ALDOB: variants seen among roughly 807,000 people sequenced by gnomAD.
ALDOB encodes aldolase, fructose-bisphosphate B, also known as fructose-bisphosphate aldolase B.
In ALDOB, 39 loss-of-function variants were observed where a neutral mutation model predicts 41.0. That is an observed-to-expected ratio of 0.95 (90% CI 0.74 to 1.24). The LOEUF (loss-of-function observed/expected upper bound fraction) is 1.24. ALDOB is among the 50% of genes most tolerant of loss of function. ALDOB has a pLI of 0.00. For synonymous variants in ALDOB, 175 were observed against 168.8 expected, an observed-to-expected ratio of 1.04 and a Z score of -0.28; for missense variants, 530 against 457.3, an observed-to-expected ratio of 1.16 and a Z score of -1.45.
intron 7 of ALDOB, among the ~76,000 whole-genome samples, 192 bp downstream of exon 7, chr9:101,425,261 A>G (rs183338806): frequency 9.6e-4 from 146 of 152,194 alleles, no homozygotes; most frequent in Non-Finnish European, 1.7e-3. Flanking sequence ...TTGAAGAAAT[A>G]CATGGATTGT....
chr9:101,421,394 T>G lies in ALDOB; in HGVS notation c.*415A>C. 3.3e-6 allele frequency: 1 copy of G among 300,990 alleles called. No homozygotes were observed. Among genetic ancestry groups the G allele is most frequent in the Non-Finnish European group, 6.5e-6 (1 of 153,354 alleles). 18.6% of individuals were successfully genotyped at this position (300,990 alleles called of 1,614,324 possible). On this transcript the variant is annotated 3_prime_UTR_variant, in exon 9 of 9. Coordinates refer to ENST00000647789, the MANE Select transcript of ALDOB (RefSeq NM_000035.4). ...TAGCAGCTGAAGGTTTATAGAATAT[T>G]TATTTCTTTTTTGGTTGCAGCTATC...
chr9:101,425,544 A>G lies in ALDOB; in HGVS notation c.708T>C (p.Ala236=), dbSNP rs761151751. ...GTLLKPNMVT[A]GHACTKKYTP... ...TATACTTCTTGGTGCAGGCATGTCC[A>G]GCAGTCACCATGTTGGGCTTTAGCA... Residue 236 remains alanine (A), a synonymous_variant, in exon 7 of 9, where the codon GCT becomes GCC. Coordinates refer to ENST00000647789, the MANE Select transcript of ALDOB (RefSeq NM_000035.4). The G allele has an allele frequency of 3.7e-6, 6 of 1,614,212 alleles. No individual in the cohort carries two copies. The East Asian group carries it at 8.9e-5, about 24-fold the overall frequency.
Position 101,428,531 on chromosome 9 carries a change from T to C in ALDOB, c.325-8A>G. 1 of 1,611,528 alleles carries C rather than the reference T, an allele frequency of 6.2e-7. No individual in the cohort carries two copies. Among genetic ancestry groups the C allele is most frequent in the Non-Finnish European group, 8.5e-7 (1 of 1,177,570 alleles). On this transcript the variant is annotated splice_polypyrimidine_tract_variant and splice_region_variant and intron_variant, in intron 3 of 8. Coordinates refer to ENST00000647789, the MANE Select transcript of ALDOB (RefSeq NM_000035.4). ...AGCACCTCCTTGGTCTAACTGTGGA[T>C]ACAAATAATTAACAGGTGTCAGATG...
intron 2 of ALDOB, 45 bp downstream of exon 2, chr9:101,430,731 A>C: frequency 6.9e-7 from 1 of 1,452,324 alleles, no homozygotes; most frequent in Non-Finnish European, 9.7e-7. Flanking sequence ...TAAGTGTAGA[A>C]AAAATAATAT....
Position 101,427,512 on chromosome 9 carries a change from G to A in ALDOB, c.510C>T (p.Ala170=). 6.2e-7 allele frequency: 1 copy of A among 1,614,176 alleles called. No individual in the cohort carries two copies. Among genetic ancestry groups the A allele is most frequent in the African/African-American group, 1.3e-5 (1 of 75,054 alleles). ...SSLAIQENAN[A]LARYASICQQ... is the part of the protein sequence containing the mutation. ...GACAGATGCTGGCGTAGCGAGCCAG[G>A]GCGTTGGCGTTTTCCTGGATAGCGA... The change falls in exon 5 of 9, where the codon GCC becomes GCT. Residue 170 remains alanine, a synonymous_variant. Transcript: ENST00000647789.
In ALDOB at chr9:101,421,447, T is replaced by A. The variant is rs1042042177; in HGVS notation, c.*362A>T. The A allele has an allele frequency of 2.0e-5, 7 of 358,552 alleles. No individual in the cohort carries two copies. The highest frequency in any genetic ancestry group is 2.7e-5 in the Non-Finnish European group (5 of 184,104). 22.2% of individuals were successfully genotyped at this position (358,552 alleles called of 1,614,324 possible). A position where few individuals can be genotyped will look rare whatever the true frequency, so the allele number is the denominator to read the frequency against. Reference sequence around the variant, plus strand: ...CTTCCCAACCTACCACTGCTAAGACTGTTTCATAAGATGCACTTCTCTACA... The same window carrying A: ...CTTCCCAACCTACCACTGCTAAGACAGTTTCATAAGATGCACTTCTCTACA... On this transcript the variant is annotated 3_prime_UTR_variant, in exon 9 of 9. Transcript: ENST00000647789.
Position 101,429,852 on chromosome 9 carries a change from C to A in ALDOB, c.227G>T (p.Gly76Val), listed in dbSNP as rs764779161. 3.1e-6 allele frequency: 5 copies of A among 1,614,094 alleles called. No individual in the cohort carries two copies. The highest frequency in any genetic ancestry group is 4.2e-6 in the Non-Finnish European group (5 of 1,180,024). The stretch of plus-strand genomic sequence containing the variant: ...GAGGGTCTCGTGGAAAAGGATCACA[C>A]CCCCGATGCTCTGGTTGATGGAACT... ...VDSSINQSIGGVILFHETLYQ... is the reference protein window; with the variant it reads ...VDSSINQSIGVVILFHETLYQ... Residue 76 changes from glycine to valine, a missense_variant, in exon 3 of 9, where the codon GGT (glycine) becomes GTT (valine). Transcript: ENST00000647789.
intron 6 of ALDOB, among the ~76,000 whole-genome samples, chr9:101,425,846 G>A (rs1397232492): frequency 6.6e-6 from 1 of 152,148 alleles, no homozygotes; most frequent in East Asian, 1.9e-4. Flanking sequence ...CCCTAATCTA[G>A]CTTCTCATTC....
At chr9:101,432,453 G>A (rs1418574263) in intron 1 of ALDOB, among the ~76,000 whole-genome samples, 1 of 152,034 alleles carries the variant, frequency 6.6e-6, no homozygotes, top group Non-Finnish European at 1.5e-5. Context: ...AGCCAACCTG[G>A]GTGTGATCTT....
rs754783742 is a variant in ALDOB at position 101,421,636 on chromosome 9, T to G, written c.*173A>C. 7 of 702,452 alleles carry G rather than the reference T, an allele frequency of 1.0e-5. No individual in the cohort carries two copies. Among genetic ancestry groups the G allele is most frequent in the Non-Finnish European group, 1.8e-5 (7 of 382,400 alleles). The allele number at this position is 702,452 out of a possible 1,614,324, so 43.5% of individuals were successfully genotyped here. On this transcript the variant is annotated 3_prime_UTR_variant, in exon 9 of 9. Transcript: ENST00000647789. ...TTTGATCAGGTCCTTGGTATTCATT[T>G]TTATGTTTCAATAACTGATTTATTT...
chr9:101,430,556 C>G (rs1053210435), intron 2 of ALDOB, among the ~76,000 whole-genome samples: 2 of 152,170 alleles, frequency 1.3e-5, no homozygotes, highest in Non-Finnish European at 1.5e-5. Flanking sequence ...ATTCAAATGA[C>G]CCCTGGCTTA....
chr9:101,430,970 G>T, intron 1 of ALDOB, 73 bp from the exon 2 acceptor site: 1 of 1,033,698 alleles, frequency 9.7e-7, no homozygotes, highest in Non-Finnish European at 1.5e-6. Flanking sequence ...AAGACAGTTG[G>T]GGGTGCAGAC....
chr9:101,429,170 C>CTT (rs757424158), intron 3 of ALDOB, among the ~76,000 whole-genome samples: 5 of 125,980 alleles, frequency 4.0e-5, no homozygotes, highest in Non-Finnish European at 8.7e-5. Context: ...GGATCTTACT[C>CTT]TTTTTTTTTT....
intron 6 of ALDOB, among the ~76,000 whole-genome samples, chr9:101,426,111 C>T (rs1831125355): frequency 6.6e-6 from 1 of 152,132 alleles, no homozygotes; most frequent in African/African-American, 2.4e-5. Context: ...GGTCAGGTGA[C>T]ATTATGACTC....
intron 8 of ALDOB, among the ~76,000 whole-genome samples, chr9:101,422,481 T>A (rs1036945633): frequency 1.3e-5 from 2 of 152,204 alleles, no homozygotes; most frequent in Admixed American, 1.3e-4. Flanking sequence ...GTTCTCCAAC[T>A]GTGTTTCATG....
Position 101,427,489 on chromosome 9 carries a change from C to T in ALDOB, c.533G>A (p.Cys178Tyr). ...AAGGGGAAGGCAGAGCACCTGCTGA[C>T]AGATGCTGGCGTAGCGAGCCAGGGC... Reference protein sequence around the residue: ...ANALARYASICQQNGLVPIVE... With the variant: ...ANALARYASIYQQNGLVPIVE... Residue 178 changes from cysteine (C) to tyrosine (Y), a missense_variant, in exon 5 of 9, where the codon TGT becomes TAT. Coordinates refer to ENST00000647789, the MANE Select transcript of ALDOB (RefSeq NM_000035.4). 1.2e-6 allele frequency: 2 copies of T among 1,614,196 alleles called. No individual in the cohort carries two copies. The highest frequency in any genetic ancestry group is 1.7e-6 in the Non-Finnish European group (2 of 1,180,028).
intron 1 of ALDOB, among the ~76,000 whole-genome samples, chr9:101,431,189 C>G (rs541321148): frequency 5.9e-5 from 9 of 152,130 alleles, no homozygotes; most frequent in Non-Finnish European, 1.2e-4. Context: ...AATTAGTGAC[C>G]CACTAAAATA....
Position 101,430,267 on chromosome 9 carries a change from G to C in ALDOB, c.113-301C>G, listed in dbSNP as rs956035263. Among the ~76,000 whole-genome samples, 5 of 152,114 alleles carry C rather than the reference G, an allele frequency of 3.3e-5. No individual in the cohort carries two copies. The East Asian group carries it at 9.7e-4, about 29-fold the overall frequency. On this transcript the variant is annotated intron_variant, in intron 2 of 8. Transcript: ENST00000647789. ...CCTCCCTGATCTGGTCCTCAGTCTT[G>C]CTGGATGTACATGCAGAAGGAGGGA...
rs557922946 is a variant in ALDOB, at chr9:101,421,633, A to T, written c.*176T>A. On this transcript the variant is annotated 3_prime_UTR_variant, in exon 9 of 9. Transcript: ENST00000647789. ...AAATTTGATCAGGTCCTTGGTATTCATTTTTATGTTTCAATAACTGATTTA... is the reference window on the plus strand; with the variant it reads ...AAATTTGATCAGGTCCTTGGTATTCTTTTTTATGTTTCAATAACTGATTTA... The T allele has an allele frequency of 1.4e-6, 1 of 697,518 alleles. No individual in the cohort carries two copies. Among genetic ancestry groups the T allele is most frequent in the Admixed American group, 2.1e-5 (1 of 48,678 alleles). 43.2% of individuals were successfully genotyped at this position (697,518 alleles called of 1,614,324 possible).
Sources: gnomAD v4.1 joint callset for allele counts (sites outside exome capture counted in the v4.1 genomes callset) on GRCh38, gnomAD v4.1.1 for gene constraint, MANE v1.5 for transcripts, NCBI Gene and HGNC (gene_info 2026-07-23, HGNC 2026-07-21) for gene names.